The following HEMK2 variants were observed in gnomAD, a reference collection of about 807,000 sequenced individuals.
HEMK2 encodes HemK methyltransferase 2, ETF1 glutamine and histone H4 lysine.
chr21:28,581,491 G>A, the HEMK2 span, among the ~76,000 whole-genome samples: 1 of 150,860 alleles, frequency 6.6e-6, no homozygotes, highest in Non-Finnish European at 1.5e-5. Context: ...AAACTTAACC[G>A]CAGCCCACCC....
At chr21:28,820,739 A>G in the HEMK2 span, among the ~76,000 whole-genome samples, 1 of 152,156 alleles carries the variant, frequency 6.6e-6, no homozygotes. Context: ...CTTCACCCAT[A>G]CAAAAAGTGT....
At chr21:28,839,196 A>C in the HEMK2 span, among the ~76,000 whole-genome samples, 1 of 151,782 alleles carries the variant, frequency 6.6e-6, no homozygotes, top group Admixed American at 6.6e-5. Flanking sequence ...AACTCTCAAC[A>C]AAATCAGCAT....
the HEMK2 span, among the ~76,000 whole-genome samples, chr21:28,715,336 C>T: frequency 6.6e-6 from 1 of 152,080 alleles, no homozygotes; most frequent in East Asian, 1.9e-4. Flanking sequence ...AATAGCCAGT[C>T]TGACTGATGC....
chr21:28,812,387 T>C, the HEMK2 span, among the ~76,000 whole-genome samples: 1 of 152,228 alleles, frequency 6.6e-6, no homozygotes, highest in African/African-American at 2.4e-5. Flanking sequence ...CTTTCCTGCA[T>C]CTATTGAGAT....
chr21:28,626,669 C>G, the HEMK2 span: 1 of 152,038 alleles, frequency 6.6e-6, no homozygotes, highest in Admixed American at 6.6e-5. Flanking sequence ...CACATCCAGG[C>G]CCCATCTCTA....
the HEMK2 span, among the ~76,000 whole-genome samples, chr21:28,633,613 G>A: frequency 1.3e-5 from 2 of 152,064 alleles, no homozygotes; most frequent in African/African-American, 2.4e-5. Flanking sequence ...AGAAACCAGA[G>A]GCCCATTTCA....
chr21:28,624,780 C>A, the HEMK2 span, among the ~76,000 whole-genome samples: 1 of 152,150 alleles, frequency 6.6e-6, no homozygotes, highest in Non-Finnish European at 1.5e-5. Context: ...GCCAGATCAC[C>A]AGCTGAACAA....
the HEMK2 span, among the ~76,000 whole-genome samples, chr21:28,684,631 T>C: frequency 1.3e-3 from 200 of 152,326 alleles, no homozygotes; most frequent in African/African-American, 4.6e-3. Flanking sequence ...GATTTCATCA[T>C]TTGAGATTAC....
At chr21:28,601,604 ATC>A in the HEMK2 span, among the ~76,000 whole-genome samples, 7,504 of 126,594 alleles carry the variant, frequency 0.059, 229 homozygotes, top group South Asian at 0.1. Flanking sequence ...ACCTTCTGAC[ATC>A]TCTCTCTCTC....
the HEMK2 span, among the ~76,000 whole-genome samples, chr21:28,738,044 T>C: frequency 6.6e-6 from 1 of 152,194 alleles, no homozygotes. Flanking sequence ...CTTAGCTTCT[T>C]CCAACAACAG....
chr21:28,745,417 C>T, the HEMK2 span, among the ~76,000 whole-genome samples: 1 of 152,162 alleles, frequency 6.6e-6, no homozygotes, highest in Non-Finnish European at 1.5e-5. Context: ...TGAGATTGTT[C>T]CAGGAGTTTA....
At chr21:28,856,821 C>A in the HEMK2 span, among the ~76,000 whole-genome samples, 1 of 152,174 alleles carries the variant, frequency 6.6e-6, no homozygotes, top group African/African-American at 2.4e-5. Context: ...GCCCATGCTA[C>A]CAGGGTTTTG....
At chr21:28,675,341 T>C in the HEMK2 span, among the ~76,000 whole-genome samples, 2 of 152,194 alleles carry the variant, frequency 1.3e-5, no homozygotes, top group Non-Finnish European at 2.9e-5. Flanking sequence ...AAGTTGGCAA[T>C]TCACAAATTA....
At chr21:28,622,067 T>C in the HEMK2 span, among the ~76,000 whole-genome samples, 1 of 152,200 alleles carries the variant, frequency 6.6e-6, no homozygotes, top group Admixed American at 6.5e-5. Context: ...AGCCTATGTA[T>C]GTCTTTGCAC....
chr21:28,855,948 T>C, the HEMK2 span, among the ~76,000 whole-genome samples: 3 of 152,180 alleles, frequency 2.0e-5, no homozygotes, highest in African/African-American at 7.2e-5. Flanking sequence ...ACATTACATC[T>C]AGAGAAGCTA....
the HEMK2 span, among the ~76,000 whole-genome samples, chr21:28,693,429 C>T: frequency 6.6e-6 from 1 of 152,086 alleles, no homozygotes; most frequent in South Asian, 2.1e-4. Context: ...TTCAACCTAA[C>T]AAGGATTCAC....
At chr21:28,849,432 C>T in the HEMK2 span, among the ~76,000 whole-genome samples, 4 of 152,160 alleles carry the variant, frequency 2.6e-5, no homozygotes, top group Non-Finnish European at 1.5e-5. Context: ...TGAGAAAGAA[C>T]CAGAGCAAGA....
At chr21:28,856,547 TG>T in the HEMK2 span, among the ~76,000 whole-genome samples, 1 of 152,172 alleles carries the variant, frequency 6.6e-6, no homozygotes, top group African/African-American at 2.4e-5. Flanking sequence ...CAGAGAAGAA[TG>T]AAAGTATCGA....
chr21:28,792,407 G>A, the HEMK2 span, among the ~76,000 whole-genome samples: 1 of 152,084 alleles, frequency 6.6e-6, no homozygotes, highest in Non-Finnish European at 1.5e-5. Context: ...TTGGGATCTG[G>A]ATCAGAATCG....
Sources: allele counts gnomAD v4.1 joint callset (sites outside exome capture counted in the v4.1 genomes callset), GRCh38; gene constraint gnomAD v4.1.1; transcripts MANE v1.5; gene names NCBI Gene and HGNC (gene_info 2026-07-23, HGNC 2026-07-21).